MAN2A1: variants seen among roughly 807,000 people sequenced by gnomAD.
MAN2A1 encodes the protein alpha-mannosidase 2.
In MAN2A1, 76 loss-of-function variants were observed where a neutral mutation model predicts 142.6. The observed-to-expected ratio is 0.53, with a 90% CI of 0.44 to 0.65. The LOEUF (loss-of-function observed/expected upper bound fraction) is 0.65. MAN2A1 is among the 30% of genes least tolerant of loss of function. The probability of loss-of-function intolerance (pLI) is 0.00; values close to 1 mark genes in which losing one functional copy is unlikely to be tolerated. For synonymous variants in MAN2A1, 559 were observed against 473.2 expected (o/e 1.18, Z -2.35); for missense variants, 1,311 against 1,365.1 (o/e 0.96, Z 0.62).
chr5:109,858,307 C>T (rs1755674251), intron 20 of MAN2A1, among the ~76,000 whole-genome samples: 1 of 152,136 alleles, frequency 6.6e-6, no homozygotes, highest in Non-Finnish European at 1.5e-5. Context: ...AGGACTGGTC[C>T]ATTCAAAACC....
chr5:109,765,036 T>C (rs1752953147), intron 5 of MAN2A1, among the ~76,000 whole-genome samples: 1 of 152,118 alleles, frequency 6.6e-6, no homozygotes, highest in South Asian at 2.1e-4. Context: ...AAGGACACTT[T>C]TATACGTAAA....
chr5:109,778,083 C>CA (rs373860065), intron 8 of MAN2A1, among the ~76,000 whole-genome samples: 58,663 of 145,166 alleles, frequency 0.4, 12,149 homozygotes, highest in African/African-American at 0.55. Context: ...AAATTTCTAC[C>CA]AAAAAAAAAA....
chr5:109,755,718 A>G (rs546673607), intron 5 of MAN2A1, among the ~76,000 whole-genome samples: 6 of 150,018 alleles, frequency 4.0e-5, no homozygotes, highest in Admixed American at 6.6e-5. Context: ...TTTTAATTGT[A>G]TGTTAAGACT....
intron 1 of MAN2A1, among the ~76,000 whole-genome samples, chr5:109,697,012 A>G (rs1174967171): frequency 3.3e-5 from 5 of 152,224 alleles, no homozygotes; most frequent in South Asian, 4.1e-4. Flanking sequence ...TTCTTTTCCA[A>G]TTGGACGTGT....
chr5:109,717,200 T>G (rs1751481198), intron 3 of MAN2A1, among the ~76,000 whole-genome samples: 1 of 152,224 alleles, frequency 6.6e-6, no homozygotes, highest in Non-Finnish European at 1.5e-5. Context: ...GAAGGTTTTT[T>G]TCTTTGCTTC....
At chr5:109,856,269 C>G (rs1294796073) in intron 20 of MAN2A1, among the ~76,000 whole-genome samples, 1 of 152,086 alleles carries the variant, frequency 6.6e-6, no homozygotes, top group African/African-American at 2.4e-5. Context: ...ATTGTACATG[C>G]TATACCTGTC....
rs1755844820 is a variant in MAN2A1 at position 109,865,036 on chromosome 5, G to C, written c.3172G>C (p.Val1058Leu). ...LVNLRTIQSK[V>L]GNGHSNEAAL... ...GTGACTGCATTCTGCTCATTTGCAG[G>C]TGGGCAATGGGCACTCCAATGAGGC... is the stretch of plus-strand genomic sequence containing the variant. Residue 1058 changes from valine to leucine, a missense_variant and splice_region_variant, in exon 21 of 22, where the codon GTG becomes CTG. Physicochemically the swap from Val to Leu is conservative, Grantham distance 32. This residue lies in a region of MAN2A1 where 890 missense variants were observed against 920.5 expected (regional missense o/e 0.97). Transcript: ENST00000261483. 1 of 1,609,738 alleles carries C rather than the reference G, an allele frequency of 6.2e-7. No individual in the cohort carries two copies. The highest frequency in any genetic ancestry group is 1.1e-5 in the South Asian group (1 of 90,992).
intron 6 of MAN2A1, among the ~76,000 whole-genome samples, chr5:109,769,520 G>A (rs1753083420): frequency 6.6e-6 from 1 of 152,096 alleles, no homozygotes; most frequent in Non-Finnish European, 1.5e-5. Context: ...TAAAAGCTCA[G>A]GATCATATTC....
intron 4 of MAN2A1, among the ~76,000 whole-genome samples, chr5:109,750,314 A>G (rs3797693): frequency 0.18 from 26,674 of 152,012 alleles, 3,290 homozygotes; most frequent in East Asian, 0.64. Context: ...TTTGCTCAAC[A>G]CAGTAAATAT....
At chr5:109,835,674 C>T (rs1755036050) in intron 16 of MAN2A1, among the ~76,000 whole-genome samples, 1 of 152,108 alleles carries the variant, frequency 6.6e-6, no homozygotes, top group Non-Finnish European at 1.5e-5. Flanking sequence ...GAGTGAGGTT[C>T]TTTTTTGTCG....
In MAN2A1 at chr5:109,700,116, G is replaced by A. The variant is rs1750934119; in HGVS notation, c.135+9564G>A. Among the ~76,000 whole-genome samples the A allele has an allele frequency of 5.3e-5, 8 of 151,966 alleles. 1 individual carries two copies. The highest frequency in any genetic ancestry group is 4.6e-4 in the Admixed American group (7 of 15,266). The stretch of plus-strand genomic sequence containing the variant: ...CTGATATGTAGTTTTTGTTTTTTCT[G>A]TCTATTTCTAATTCCTTTCCCTTTT... On this transcript the variant is annotated intron_variant, in intron 1 of 21. Coordinates refer to ENST00000261483, the MANE Select transcript of MAN2A1 (RefSeq NM_002372.4).
intron 16 of MAN2A1, among the ~76,000 whole-genome samples, chr5:109,841,984 T>C (rs1755216696): frequency 6.6e-6 from 1 of 152,164 alleles, no homozygotes; most frequent in Non-Finnish European, 1.5e-5. Flanking sequence ...AGATGAGAAG[T>C]GGACTGGCCT....
chr5:109,738,431 A>G (rs1459535311), intron 4 of MAN2A1, among the ~76,000 whole-genome samples: 2 of 151,816 alleles, frequency 1.3e-5, no homozygotes, highest in African/African-American at 2.4e-5. Context: ...CTTTTTTATA[A>G]TTAATATTGT....
chr5:109,700,549 A>G lies in MAN2A1; in HGVS notation c.135+9997A>G, dbSNP rs1750950229. Among the ~76,000 whole-genome samples, 3 of 152,166 alleles carry G rather than the reference A, an allele frequency of 2.0e-5. No homozygotes were observed. In the South Asian group the frequency reaches 6.2e-4, roughly 32 times the overall value. ...ACATTGAAGACTGAGAATGTGAATC[A>G]TTCTTAGAATCATTTTCTACATAAA... On this transcript the variant is annotated intron_variant, in intron 1 of 21. Coordinates refer to ENST00000261483, the MANE Select transcript of MAN2A1 (RefSeq NM_002372.4).
intron 8 of MAN2A1, 74 bp downstream of exon 8, chr5:109,775,039 C>T: frequency 9.8e-7 from 1 of 1,015,564 alleles, no homozygotes; most frequent in South Asian, 1.6e-5. Context: ...AAACAGAAAT[C>T]CTTAGCTTCT....
chr5:109,793,676 A>G (rs1279696774), intron 12 of MAN2A1, among the ~76,000 whole-genome samples: 1 of 152,202 alleles, frequency 6.6e-6, no homozygotes, highest in African/African-American at 2.4e-5. Context: ...TTAAGATTTT[A>G]GTTTTATACC....
chr5:109,864,086 G>A (rs1444174514), intron 20 of MAN2A1: 4 of 152,202 alleles, frequency 2.6e-5, no homozygotes, highest in Admixed American at 1.3e-4. Flanking sequence ...ATCCCCTAGT[G>A]AGGATGATCA....
At chr5:109,820,182 G>A (rs1466805663) in intron 14 of MAN2A1, 38 bp from the exon 15 acceptor site, 1 of 1,544,962 alleles carries the variant, frequency 6.5e-7, no homozygotes, top group East Asian at 2.3e-5. Flanking sequence ...TAACATCTTA[G>A]TGGTGAGTTG....
intron 15 of MAN2A1, among the ~76,000 whole-genome samples, chr5:109,823,297 G>C (rs1754675673): frequency 6.6e-6 from 1 of 152,138 alleles, no homozygotes; most frequent in Admixed American, 6.5e-5. Flanking sequence ...AGTTTGCTTA[G>C]ATGACTCCCT....
Sources: gnomAD v4.1 joint callset for allele counts (sites outside exome capture counted in the v4.1 genomes callset) on GRCh38, gnomAD v4.1.1 for gene constraint, gnomAD v4.1.1 regional missense constraint, MANE v1.5 for transcripts, NCBI Gene and HGNC (gene_info 2026-07-23, HGNC 2026-07-21) for gene names.